The following C1orf21 variants were observed in gnomAD, a reference collection of about 807,000 sequenced individuals.
C1orf21 encodes uncharacterized protein C1orf21.
A neutral mutation model predicts 18.7 loss-of-function variants in C1orf21; 3 were observed. The ratio of observed to expected loss-of-function variants is 0.16; its 90% CI spans 0.07 to 0.42. The LOEUF is 0.42. Ranked by LOEUF, C1orf21 falls within the 10% of genes least tolerant of loss-of-function variation. The pLI, the probability that C1orf21 is intolerant of heterozygous loss-of-function variation, is 0.99. For missense variants in C1orf21, 104 were observed against 143.6 expected (o/e 0.72, Z 1.41); for synonymous variants, 41 against 46.4 (o/e 0.88, Z 0.47).
rs766558395 is a variant in C1orf21, at chr1:184,507,655, A to C, written c.162A>C (p.Lys54Asn). ...YMKNGAEEEQ[K>N]IAARNQENLE... ...AAAATGGGGCAGAAGAAGAGCAGAA[A>C]ATAGCAGCCAGGAACCAAGAAAACT... Residue 54 changes from lysine to asparagine, a missense_variant, in exon 3 of 6, where the codon AAA becomes AAC. Coordinates refer to ENST00000235307, the MANE Select transcript of C1orf21 (RefSeq NM_030806.4). 1.2e-6 allele frequency: 2 copies of C among 1,603,632 alleles called. No homozygotes were observed. Among genetic ancestry groups the C allele is most frequent in the African/African-American group, 2.7e-5 (2 of 74,234 alleles).
intron 3 of C1orf21, among the ~76,000 whole-genome samples, chr1:184,537,914 G>T (rs1456481154): frequency 4.6e-5 from 7 of 152,186 alleles, no homozygotes. Context: ...CTCCCAAAAT[G>T]CTGGGATTGC....
intron 2 of C1orf21, among the ~76,000 whole-genome samples, chr1:184,501,375 C>T (rs1657974787): frequency 6.6e-6 from 1 of 152,124 alleles, no homozygotes; most frequent in Non-Finnish European, 1.5e-5. Flanking sequence ...TGACCCCTTG[C>T]CCGAAAGCTC....
chr1:184,482,467 G>A (rs1281599488), intron 2 of C1orf21, among the ~76,000 whole-genome samples: 2 of 152,224 alleles, frequency 1.3e-5, no homozygotes, highest in Non-Finnish European at 2.9e-5. Flanking sequence ...AGGAGGAATT[G>A]TTGGGAGCCG....
intron 2 of C1orf21, among the ~76,000 whole-genome samples, chr1:184,497,465 C>T (rs982225734): frequency 6.6e-6 from 1 of 152,196 alleles, no homozygotes; most frequent in Non-Finnish European, 1.5e-5. Flanking sequence ...CCTGCTGCCT[C>T]CCCGCGTGCA....
chr1:184,493,418 A>C (rs918439018), intron 2 of C1orf21, among the ~76,000 whole-genome samples: 2 of 152,264 alleles, frequency 1.3e-5, no homozygotes, highest in African/African-American at 2.4e-5. Flanking sequence ...ATGATGTTAA[A>C]TAGCACATCT....
chr1:184,474,451 T>C, intron 1 of C1orf21, among the ~76,000 whole-genome samples: 1 of 152,224 alleles, frequency 6.6e-6, no homozygotes, highest in East Asian at 1.9e-4. Context: ...CCTTCTGCAA[T>C]GTATTTGATT....
intron 1 of C1orf21, among the ~76,000 whole-genome samples, chr1:184,397,240 G>T (rs958496578): frequency 1.3e-5 from 2 of 152,182 alleles, no homozygotes; most frequent in Non-Finnish European, 2.9e-5. Context: ...TTAAATAGAT[G>T]TGGGAACGTT....
intron 1 of C1orf21, among the ~76,000 whole-genome samples, chr1:184,396,864 A>G (rs996213811): frequency 2.0e-5 from 3 of 152,226 alleles, no homozygotes; most frequent in African/African-American, 7.2e-5. Flanking sequence ...TCATGAAGGC[A>G]AGACTGTATT....
intron 1 of C1orf21, among the ~76,000 whole-genome samples, chr1:184,455,597 G>A (rs1657186743): frequency 6.6e-6 from 1 of 152,004 alleles, no homozygotes; most frequent in South Asian, 2.1e-4. Context: ...TGAAAATACT[G>A]CCATCAATGA....
intron 1 of C1orf21, among the ~76,000 whole-genome samples, chr1:184,394,635 G>T (rs1161606089): frequency 2.6e-5 from 4 of 152,204 alleles, no homozygotes; most frequent in Non-Finnish European, 5.9e-5. Flanking sequence ...GTAAGGAGAT[G>T]CTGCGGGCTG....
intron 3 of C1orf21, among the ~76,000 whole-genome samples, chr1:184,545,340 G>A (rs1471382384): frequency 6.6e-6 from 1 of 152,102 alleles, no homozygotes; most frequent in Non-Finnish European, 1.5e-5. Flanking sequence ...ATACTATTAA[G>A]TAAAGAAAGA....
intron 3 of C1orf21, among the ~76,000 whole-genome samples, chr1:184,562,512 C>T (rs1217071981): frequency 6.6e-6 from 1 of 152,176 alleles, no homozygotes; most frequent in African/African-American, 2.4e-5. Flanking sequence ...ATCTGAGCAG[C>T]GTGTAAAGAC....
At chr1:184,499,155 C>T (rs867834029) in intron 2 of C1orf21, among the ~76,000 whole-genome samples, 1 of 152,136 alleles carries the variant, frequency 6.6e-6, no homozygotes, top group Non-Finnish European at 1.5e-5. Context: ...TCCCCTTCCT[C>T]CTCCTCCTCT....
chr1:184,471,484 C>T (rs1228026789), intron 1 of C1orf21, among the ~76,000 whole-genome samples: 1 of 151,990 alleles, frequency 6.6e-6, no homozygotes, highest in Non-Finnish European at 1.5e-5. Context: ...TCCTTTATAT[C>T]ACTACTTGGA....
At chr1:184,548,196 T>A (rs914635957) in intron 3 of C1orf21, among the ~76,000 whole-genome samples, 1 of 148,930 alleles carries the variant, frequency 6.7e-6, no homozygotes, top group Non-Finnish European at 1.5e-5. Context: ...AGTATAGTAA[T>A]CCATATCTCA....
intron 3 of C1orf21, among the ~76,000 whole-genome samples, chr1:184,586,985 T>A (rs143088407): frequency 6.6e-5 from 10 of 152,348 alleles, no homozygotes; most frequent in African/African-American, 2.4e-4. Context: ...GGGTCCAGTT[T>A]CAAGCTTCTG....
chr1:184,388,902 C>G (rs994208877), intron 1 of C1orf21, among the ~76,000 whole-genome samples: 4 of 152,042 alleles, frequency 2.6e-5, no homozygotes, highest in African/African-American at 9.7e-5. Context: ...GTTTTCCCCC[C>G]TTTTTCATAT....
rs553067585 is a variant in C1orf21 at position 184,602,178 on chromosome 1, A to G, written c.327+3717A>G. 1.8e-3 allele frequency among the ~76,000 whole-genome samples: 268 copies of G among 152,212 alleles called. 2 individuals carry two copies. Among genetic ancestry groups the G allele is most frequent in the African/African-American group, 6.2e-3 (259 of 41,534 alleles). Reference sequence around the variant, plus strand: ...CTGAGAGTGAGGTTCTCCTCCGTGGAACACAACTATTTGCCTTCTAAGCTG... The same window carrying G: ...CTGAGAGTGAGGTTCTCCTCCGTGGGACACAACTATTTGCCTTCTAAGCTG... On this transcript the variant is annotated intron_variant, in intron 5 of 5. Transcript: ENST00000235307.
chr1:184,579,730 C>G (rs958194661), intron 3 of C1orf21, among the ~76,000 whole-genome samples: 1 of 151,852 alleles, frequency 6.6e-6, no homozygotes, highest in South Asian at 2.1e-4. Context: ...AGGCTGGTCT[C>G]GAACTCCTGA....
Sources: allele counts gnomAD v4.1 joint callset (sites outside exome capture counted in the v4.1 genomes callset), GRCh38; gene constraint gnomAD v4.1.1; transcripts MANE v1.5; gene names NCBI Gene and HGNC (gene_info 2026-07-23, HGNC 2026-07-21).